PIBF1: variants seen among roughly 807,000 people sequenced by gnomAD.
The protein encoded by PIBF1 is progesterone immunomodulatory binding factor 1, also known as progesterone-induced-blocking factor 1.
Under a neutral mutation model 112.5 loss-of-function variants are expected in PIBF1, and 90 were observed. That is an observed-to-expected ratio of 0.80 (90% CI 0.67 to 0.95). The LOEUF (loss-of-function observed/expected upper bound fraction) is 0.95. PIBF1 is among the 40% of genes least tolerant of loss of function. The pLI, the probability that PIBF1 is intolerant of heterozygous loss-of-function variation, is 0.00. For synonymous variants in PIBF1, 301 were observed against 288.6 expected (o/e 1.04, Z -0.44); for missense variants, 915 against 852.3 (o/e 1.07, Z -0.92).
rs377704255 is a variant in PIBF1, at chr13:72,965,359, T to C, written c.1919T>C (p.Ile640Thr). The change falls in exon 15 of 18, where the codon ATT becomes ACT. Residue 640 changes from isoleucine to threonine, a missense_variant. Ile to Thr is a moderately conservative substitution (Grantham distance 89, BLOSUM62 -1). Transcript: ENST00000326291. ...IESVRQRDSKIDSLTESIAQL... is the reference protein window; with the variant it reads ...IESVRQRDSKTDSLTESIAQL... ...TCAGTGCGTCAGAGAGATTCTAAGA[T>C]TGATTCACTGACGGAATCTATTGCA... The C allele has an allele frequency of 1.2e-6, 2 of 1,610,632 alleles. No homozygotes were observed. The highest frequency in any genetic ancestry group is 1.7e-6 in the Non-Finnish European group (2 of 1,177,506).
intron 4 of PIBF1, 63 bp from the exon 5 acceptor site, chr13:72,797,844 C>T: frequency 3.0e-6 from 4 of 1,346,250 alleles, no homozygotes; most frequent in South Asian, 1.5e-5. Context: ...GAGAGCACTA[C>T]AAATTACAAA....
At chr13:72,789,670 ATACAGGTTGTT>A (rs1218168544) in intron 2 of PIBF1, among the ~76,000 whole-genome samples, 1 of 151,740 alleles carries the variant, frequency 6.6e-6, no homozygotes, top group African/African-American at 2.4e-5. Context: ...TTTCCTCGTG[ATACAGGTTGTT>A]TCTTATCTAA....
At chr13:72,908,335 T>A (rs1224434128) in intron 11 of PIBF1, among the ~76,000 whole-genome samples, 196 bp from the exon 12 acceptor site, 1 of 152,122 alleles carries the variant, frequency 6.6e-6, no homozygotes, top group African/African-American at 2.4e-5. Flanking sequence ...ACTTCATAAT[T>A]TTCAGTTAAA....
chr13:72,992,785 A>C (rs934969626), intron 16 of PIBF1, among the ~76,000 whole-genome samples: 1 of 152,094 alleles, frequency 6.6e-6, no homozygotes, highest in Non-Finnish European at 1.5e-5. Flanking sequence ...AGCCTGGGTG[A>C]TAGAGCCAGA....
chr13:72,798,166 G>A, intron 5 of PIBF1, 140 bp downstream of exon 5: 1 of 794,250 alleles, frequency 1.3e-6, no homozygotes, highest in Non-Finnish European at 1.9e-6. Flanking sequence ...TCAATAATGG[G>A]AAGGAGGTTA....
intron 14 of PIBF1, among the ~76,000 whole-genome samples, chr13:72,958,511 T>C (rs1039365698): frequency 1.3e-5 from 2 of 152,108 alleles, no homozygotes; most frequent in Non-Finnish European, 2.9e-5. Context: ...GATAATCAAC[T>C]ACCATGTCCT....
rs141556509 is a variant in PIBF1 at position 72,922,159 on chromosome 13, G to T, written c.1730+4993G>T. Among the ~76,000 whole-genome samples the T allele has an allele frequency of 1.3e-3, 191 of 151,340 alleles. 1 individual carries two copies. Among genetic ancestry groups the T allele is most frequent in the African/African-American group, 4.5e-3 (188 of 41,366 alleles). ...TAATTTTTTTATTTTTTATTTTTTTGTAGAGACAGGGTCTTGCTGTGTTGC... is the reference window on the plus strand; with the variant it reads ...TAATTTTTTTATTTTTTATTTTTTTTTAGAGACAGGGTCTTGCTGTGTTGC... On this transcript the variant is annotated intron_variant, in intron 13 of 17. Coordinates refer to ENST00000326291, the MANE Select transcript of PIBF1 (RefSeq NM_006346.4).
rs554397153 is a variant in PIBF1 at position 72,800,092 on chromosome 13, G to C, written c.672+2066G>C. Among the ~76,000 whole-genome samples the C allele has an allele frequency of 2.6e-5, 4 of 152,370 alleles. No individual in the cohort carries two copies. In the East Asian group the frequency reaches 7.7e-4, roughly 29 times the overall value. On this transcript the variant is annotated intron_variant, in intron 5 of 17. Coordinates refer to ENST00000326291, the MANE Select transcript of PIBF1 (RefSeq NM_006346.4). ...GCTCAGTCGCCCCAGCTGGAGTGCA[G>C]TGGTGCCATGTCTGCTCATTGCAAC...
At position 72,913,324 on chromosome 13, in the gene PIBF1, CTG is replaced by C. The variant is rs140495943; in HGVS notation, c.1640-3750_1640-3749del. On this transcript the variant is annotated intron_variant, in intron 12 of 17. Transcript: ENST00000326291. Reference sequence around the variant, plus strand: ...ACAAATCTTATTTTTTAGAAAATAACTGTAAATACATATTGAATTATAATTGA... The same window carrying C: ...ACAAATCTTATTTTTTAGAAAATAACTAAATACATATTGAATTATAATTGA... Among the ~76,000 whole-genome samples the C allele has an allele frequency of 7.4e-4, 112 of 152,128 alleles. 1 individual carries two copies. In the East Asian group the frequency reaches 9.3e-3, roughly 13 times the overall value.
intron 10 of PIBF1, among the ~76,000 whole-genome samples, chr13:72,874,548 A>G (rs922900375): frequency 1.3e-5 from 2 of 152,204 alleles, no homozygotes; most frequent in Non-Finnish European, 2.9e-5. Context: ...CACAAATCCA[A>G]TCAATAGTTG....
chr13:72,919,224 G>A (rs939085843), intron 13 of PIBF1, among the ~76,000 whole-genome samples: 1 of 152,074 alleles, frequency 6.6e-6, no homozygotes, highest in Non-Finnish European at 1.5e-5. Context: ...TAATATAGTG[G>A]TGAATAAAAA....
rs772518469 is a variant in PIBF1, at chr13:72,973,973, T to G, written c.2049+298T>G. On this transcript the variant is annotated intron_variant, in intron 16 of 17. Coordinates refer to ENST00000326291, the MANE Select transcript of PIBF1 (RefSeq NM_006346.4). ...AGACAGTTAATTTCCTTAGTGTGCCTCTCGTCTTCTTTATCAATGTATGCC... is the reference window on the plus strand; with the variant it reads ...AGACAGTTAATTTCCTTAGTGTGCCGCTCGTCTTCTTTATCAATGTATGCC... 9.7e-4 allele frequency: 369 copies of G among 379,482 alleles called. 1 individual carries two copies. The Middle Eastern group carries it at 0.012, about 12-fold the overall frequency. The allele number at this position is 379,482 out of a possible 1,614,324, so 23.5% of individuals were successfully genotyped here. A position where few individuals can be genotyped will look rare whatever the true frequency, so the allele number is the denominator to read the frequency against.
At chr13:72,965,087 G>A (rs940404402) in intron 14 of PIBF1, among the ~76,000 whole-genome samples, 187 bp from the exon 15 acceptor site, 13 of 152,050 alleles carry the variant, frequency 8.5e-5, no homozygotes, top group African/African-American at 3.1e-4. Flanking sequence ...AAAAATTATT[G>A]TTTATAGTTG....
At chr13:72,925,635 G>A (rs55955857) in intron 13 of PIBF1, among the ~76,000 whole-genome samples, 4,110 of 141,622 alleles carry the variant, frequency 0.029, 76 homozygotes, top group South Asian at 0.053. Flanking sequence ...TCCGCCTCCC[G>A]GGTTCAAGTG....
intron 8 of PIBF1, among the ~76,000 whole-genome samples, chr13:72,829,526 T>G (rs574858279): frequency 6.6e-6 from 1 of 152,334 alleles, no homozygotes; most frequent in Admixed American, 6.5e-5. Flanking sequence ...CAACATTTAT[T>G]AAATAGGGAA....
chr13:72,929,899 C>T (rs1001918031), intron 13 of PIBF1, among the ~76,000 whole-genome samples: 34 of 152,042 alleles, frequency 2.2e-4, no homozygotes, highest in African/African-American at 8.0e-4. Context: ...CTCTGTGTCA[C>T]CCCAGGCTGG....
chr13:72,841,569 G>A (rs1185532792), intron 9 of PIBF1, among the ~76,000 whole-genome samples: 2 of 152,102 alleles, frequency 1.3e-5, no homozygotes, highest in Admixed American at 1.3e-4. Context: ...CTAGGAGTTC[G>A]AGACCAGCCT....
At chr13:72,988,297 C>T (rs768417159) in intron 16 of PIBF1, among the ~76,000 whole-genome samples, 4 of 152,054 alleles carry the variant, frequency 2.6e-5, no homozygotes, top group Non-Finnish European at 5.9e-5. Context: ...ACTCAGTGAA[C>T]ATTCACTTCT....
chr13:72,969,457 C>T (rs2042833949), intron 15 of PIBF1: 1 of 152,072 alleles, frequency 6.6e-6, no homozygotes, highest in Non-Finnish European at 1.5e-5. Context: ...GATATGAAAT[C>T]TTATTCTTAA....
Sources: gnomAD v4.1 joint callset for allele counts (sites outside exome capture counted in the v4.1 genomes callset) on GRCh38, gnomAD v4.1.1 for gene constraint, MANE v1.5 for transcripts, NCBI Gene and HGNC (gene_info 2026-07-23, HGNC 2026-07-21) for gene names.